The following ELOVL6 variants were observed in gnomAD, a reference collection of about 807,000 sequenced individuals.
ELOVL6 encodes the protein very long chain fatty acid elongase 6.
A neutral mutation model predicts 31.7 loss-of-function variants in ELOVL6; 8 were observed. The ratio of observed to expected loss-of-function variants is 0.25; its 90% confidence interval spans 0.15 to 0.45. The LOEUF (loss-of-function observed/expected upper bound fraction) is 0.45, where lower values mean the gene tolerates loss of function less well. ELOVL6 is among the 20% of genes least tolerant of loss of function. The probability of loss-of-function intolerance (pLI) is 1.00; values close to 1 mark genes in which losing one functional copy is unlikely to be tolerated. For missense variants in ELOVL6, 126 were observed against 326.4 expected, an observed-to-expected ratio of 0.39 and a Z score of 4.73; for synonymous variants, 101 against 117.7, an observed-to-expected ratio of 0.86 and a Z score of 0.92.
At chr4:110,071,165 G>T (rs900511145) in intron 2 of ELOVL6, among the ~76,000 whole-genome samples, 1 of 152,180 alleles carries the variant, frequency 6.6e-6, no homozygotes, top group Non-Finnish European at 1.5e-5. Flanking sequence ...AGAGTCATAA[G>T]CTCCGGCTCT....
rs1257177559 is a variant in ELOVL6, at chr4:110,047,944, T to G, written c.*3394A>C. 2.0e-5 allele frequency: 3 copies of G among 151,710 alleles called. No individual in the cohort carries two copies. The highest frequency in any genetic ancestry group is 4.4e-5 in the Non-Finnish European group (3 of 67,964). 9.4% of individuals were successfully genotyped at this position (151,710 alleles called of 1,614,324 possible). A position where few individuals can be genotyped will look rare whatever the true frequency, so the allele number is the denominator to read the frequency against. ...ACATTCTGTGGGTCTCTTTCTGTTC[T>G]TCTAGGTTCCCACTGTCTTTCCCAT... On this transcript the variant is annotated 3_prime_UTR_variant, in exon 4 of 4. Coordinates refer to ENST00000302274, the MANE Select transcript of ELOVL6 (RefSeq NM_024090.3).
At chr4:110,099,466 A>C (rs1299589158) in intron 2 of ELOVL6, among the ~76,000 whole-genome samples, 3 of 152,254 alleles carry the variant, frequency 2.0e-5, no homozygotes, top group Admixed American at 6.5e-5. Context: ...GCAAGAAGTC[A>C]AACTATAAAG....
At chr4:110,076,919 C>T (rs565477706) in intron 2 of ELOVL6, among the ~76,000 whole-genome samples, 8 of 152,298 alleles carry the variant, frequency 5.3e-5, no homozygotes, top group South Asian at 4.1e-4. Context: ...TCTTAGCAAA[C>T]GGCACACTAG....
chr4:110,079,932 AC>A (rs1340716041), intron 2 of ELOVL6, among the ~76,000 whole-genome samples: 1 of 152,220 alleles, frequency 6.6e-6, no homozygotes, highest in Admixed American at 6.5e-5. Flanking sequence ...CCACAGAAAT[AC>A]AAACTACCAT....
chr4:110,161,445 A>G (rs950762396), intron 1 of ELOVL6, among the ~76,000 whole-genome samples: 6 of 152,172 alleles, frequency 3.9e-5, no homozygotes, highest in Admixed American at 3.9e-4. Flanking sequence ...ACATGCACAG[A>G]GGGATGAAAA....
chr4:110,130,758 T>A (rs927239746), intron 1 of ELOVL6, among the ~76,000 whole-genome samples: 3 of 152,208 alleles, frequency 2.0e-5, no homozygotes, highest in Admixed American at 6.5e-5. Flanking sequence ...CAGTGCTTAC[T>A]CAGAAGCTCA....
At chr4:110,187,167 TAA>T (rs1447146048) in intron 1 of ELOVL6, among the ~76,000 whole-genome samples, 1 of 151,678 alleles carries the variant, frequency 6.6e-6, no homozygotes, top group Non-Finnish European at 1.5e-5. Flanking sequence ...GGCATATGAG[TAA>T]AAGAGTCTGA....
intron 1 of ELOVL6, among the ~76,000 whole-genome samples, chr4:110,143,158 C>T (rs1043260204): frequency 1.3e-5 from 2 of 152,026 alleles, no homozygotes; most frequent in Non-Finnish European, 2.9e-5. Flanking sequence ...CATTAAAAAG[C>T]AAAACAAAAC....
At chr4:110,083,191 G>A (rs1560812630) in intron 2 of ELOVL6, among the ~76,000 whole-genome samples, 3 of 151,684 alleles carry the variant, frequency 2.0e-5, no homozygotes, top group Admixed American at 2.0e-4. Flanking sequence ...GGAGACTGAT[G>A]AATACATTAA....
At position 110,146,227 on chromosome 4, in the gene ELOVL6, C is replaced by T. The variant is rs543556502; in HGVS notation, c.90-40599G>A. 2.0e-5 allele frequency: 3 copies of T among 152,254 alleles called. No homozygotes were observed. The South Asian group carries it at 6.2e-4, about 32-fold the overall frequency. The allele number at this position is 152,254 out of a possible 1,614,324, so 9.4% of individuals were successfully genotyped here. ...TGATTTTTGGCAAAGTCAACAAGAA[C>T]ATACACTGAGGAAAGGATAATCTTC... On this transcript the variant is annotated intron_variant, in intron 1 of 3. Transcript: ENST00000302274.
At chr4:110,129,951 T>C (rs1304437590) in intron 1 of ELOVL6, among the ~76,000 whole-genome samples, 4 of 135,332 alleles carry the variant, frequency 3.0e-5, no homozygotes, top group Middle Eastern at 4.5e-3. Flanking sequence ...CAGGCTGGAG[T>C]GCAGTAATGG....
At chr4:110,171,698 T>C (rs1294387234) in intron 1 of ELOVL6, among the ~76,000 whole-genome samples, 1 of 136,798 alleles carries the variant, frequency 7.3e-6, no homozygotes, top group Non-Finnish European at 1.6e-5. Context: ...TTTTTTTTTT[T>C]TTTTTTTGGT....
chr4:110,094,438 T>TATATATATAA lies in ELOVL6; in HGVS notation c.221+11058_221+11059insTTATATATAT, dbSNP rs1383825931. The stretch of plus-strand genomic sequence containing the variant: ...ATATATATATATATATATATATATA[T>TATATATATAA]ATATAATATATATAACATAATATAT... On this transcript the variant is annotated intron_variant, in intron 2 of 3. Transcript: ENST00000302274. 5.9e-3 allele frequency among the ~76,000 whole-genome samples: 324 copies of TATATATATAA among 55,298 alleles called. 3 individuals are homozygous for TATATATATAA. Among genetic ancestry groups the TATATATATAA allele is most frequent in the South Asian group, 0.014 (19 of 1,382 alleles). The allele number at this position is 55,298 out of a possible 152,430, so 36.3% of individuals were successfully genotyped here.
intron 2 of ELOVL6, among the ~76,000 whole-genome samples, chr4:110,072,707 G>A (rs1328407681): frequency 6.6e-6 from 1 of 152,106 alleles, no homozygotes; most frequent in African/African-American, 2.4e-5. Flanking sequence ...CTGACCTGTG[G>A]CCAGTTCAGC....
At chr4:110,133,461 C>T (rs1348263589) in intron 1 of ELOVL6, among the ~76,000 whole-genome samples, 1 of 152,162 alleles carries the variant, frequency 6.6e-6, no homozygotes, top group Non-Finnish European at 1.5e-5. Flanking sequence ...AAGCTGTGAA[C>T]TATGGCTTAC....
chr4:110,177,480 G>C (rs1759143826), intron 1 of ELOVL6, among the ~76,000 whole-genome samples: 1 of 151,380 alleles, frequency 6.6e-6, no homozygotes, highest in Non-Finnish European at 1.5e-5. Context: ...AATAAAATAA[G>C]AGCATATCCT....
intron 1 of ELOVL6, among the ~76,000 whole-genome samples, chr4:110,135,351 T>C (rs980522473): frequency 2.0e-5 from 3 of 152,212 alleles, no homozygotes; most frequent in Non-Finnish European, 4.4e-5. Context: ...CATACTGTGT[T>C]AAATAACTTG....
intron 1 of ELOVL6, among the ~76,000 whole-genome samples, chr4:110,119,581 G>C (rs1375694817): frequency 6.6e-6 from 1 of 152,172 alleles, no homozygotes; most frequent in Non-Finnish European, 1.5e-5. Context: ...ACAGTGTCCG[G>C]AGCTGGTTTA....
At chr4:110,149,601 G>A (rs567917157) in intron 1 of ELOVL6, among the ~76,000 whole-genome samples, 2 of 152,296 alleles carry the variant, frequency 1.3e-5, no homozygotes, top group East Asian at 1.9e-4. Flanking sequence ...TGAAATGATG[G>A]ACAATGAAGA....
Sources: allele counts gnomAD v4.1 joint callset (sites outside exome capture counted in the v4.1 genomes callset), GRCh38; gene constraint gnomAD v4.1.1; transcripts MANE v1.5; gene names NCBI Gene and HGNC (gene_info 2026-07-23, HGNC 2026-07-21).